Variants in KCNH5 observed in about 807,000 individuals in gnomAD.
KCNH5 encodes the protein voltage-gated delayed rectifier potassium channel KCNH5.
Under a neutral mutation model 96.1 loss-of-function variants are expected in KCNH5, and 46 were observed. The observed-to-expected ratio is 0.48, with a 90% CI of 0.38 to 0.61. The LOEUF (loss-of-function observed/expected upper bound fraction) is 0.61. Among genes scored for constraint, KCNH5 ranks in the 20% least tolerant of loss-of-function variants. The pLI, the probability that KCNH5 is intolerant of heterozygous loss-of-function variation, is 0.00. For synonymous variants in KCNH5, 439 were observed against 449.8 expected (o/e 0.98, Z 0.30); for missense variants, 907 against 1,225.8 (o/e 0.74, Z 3.88).
At chr14:62,812,594 C>T (rs1886895021) in intron 8 of KCNH5, among the ~76,000 whole-genome samples, 1 of 150,522 alleles carries the variant, frequency 6.6e-6, no homozygotes, top group Non-Finnish European at 1.5e-5. Context: ...ATAAGGGAGT[C>T]TAAATATGAT....
At chr14:62,892,761 G>A (rs913005570) in intron 7 of KCNH5, among the ~76,000 whole-genome samples, 1 of 152,110 alleles carries the variant, frequency 6.6e-6, no homozygotes, top group Non-Finnish European at 1.5e-5. Context: ...CTCTACCTGT[G>A]CCCTATAAAT....
chr14:62,975,203 G>GA (rs1356128388), intron 6 of KCNH5, among the ~76,000 whole-genome samples: 1 of 151,670 alleles, frequency 6.6e-6, no homozygotes, highest in Non-Finnish European at 1.5e-5. Context: ...ATCAACAAAA[G>GA]AAAAAAATAT....
chr14:62,815,600 A>G lies in KCNH5; in HGVS notation c.1570-13019T>C, dbSNP rs898855835. 2.0e-5 allele frequency among the ~76,000 whole-genome samples: 3 copies of G among 152,122 alleles called. No homozygotes were observed. In the South Asian group the frequency reaches 6.2e-4, roughly 31 times the overall value. The stretch of plus-strand genomic sequence containing the variant: ...ATATATACACAAAACATCACACTGT[A>G]TACCTTAAATATATGCAATTTTTGT... On this transcript the variant is annotated intron_variant, in intron 8 of 10. Transcript: ENST00000322893.
intron 10 of KCNH5, among the ~76,000 whole-genome samples, chr14:62,775,851 G>A (rs1455153395): frequency 1.3e-5 from 2 of 152,138 alleles, no homozygotes; most frequent in Non-Finnish European, 1.5e-5. Flanking sequence ...ATTTCTTTAT[G>A]TATTATCTAC....
intron 10 of KCNH5, among the ~76,000 whole-genome samples, chr14:62,742,058 C>G (rs1483055139): frequency 6.6e-6 from 1 of 152,154 alleles, no homozygotes; most frequent in Admixed American, 6.6e-5. Context: ...TAATATCTTC[C>G]TCAAAGGCCT....
chr14:63,002,813 G>A (rs1891035821), intron 3 of KCNH5, among the ~76,000 whole-genome samples: 1 of 152,122 alleles, frequency 6.6e-6, no homozygotes, highest in Non-Finnish European at 1.5e-5. Context: ...ATGGAAGGAC[G>A]TGGCCCTTTC....
intron 10 of KCNH5, among the ~76,000 whole-genome samples, chr14:62,765,452 T>C (rs1248059033): frequency 6.6e-6 from 1 of 152,166 alleles, no homozygotes; most frequent in Non-Finnish European, 1.5e-5. Flanking sequence ...ATTCTGGACA[T>C]AGGTCCTGGC....
chr14:62,939,700 G>A (rs906060890), intron 7 of KCNH5, among the ~76,000 whole-genome samples: 5 of 152,102 alleles, frequency 3.3e-5, no homozygotes, highest in Non-Finnish European at 1.5e-5. Flanking sequence ...AGCACTTTGG[G>A]AGGCCAAGGC....
chr14:63,045,252 G>T lies in KCNH5; in HGVS notation c.-66C>A. On this transcript the variant is annotated 5_prime_UTR_variant, in exon 1 of 11. Coordinates refer to ENST00000322893, the MANE Select transcript of KCNH5 (RefSeq NM_139318.5). ...AGGGGGGGATGCAGGCAAAGAAGGT[G>T]GAGGAAGAGGAGGAAAAGGTGGAAG... 1.7e-6 allele frequency: 2 copies of T among 1,193,560 alleles called. No individual in the cohort carries two copies. The highest frequency in any genetic ancestry group is 2.5e-6 in the Non-Finnish European group (2 of 807,228). The allele number at this position is 1,193,560 out of a possible 1,614,324, so 73.9% of individuals were successfully genotyped here. A position where few individuals can be genotyped will look rare whatever the true frequency, so the allele number is the denominator to read the frequency against.
At chr14:62,833,744 T>A (rs1243370283) in intron 8 of KCNH5, among the ~76,000 whole-genome samples, 1 of 152,042 alleles carries the variant, frequency 6.6e-6, no homozygotes, top group Non-Finnish European at 1.5e-5. Context: ...CCCATACAGG[T>A]AAATATTAAT....
rs769365273 is a variant in KCNH5 at position 62,981,095 on chromosome 14, G to C, written c.719C>G (p.Thr240Arg). ...IMVPYNVSFK[T>R]KQNNIAWLVL... Reference sequence around the variant, plus strand: ...CAGCCAGGCTATGTTGTTCTGCTTTGTTTTGAAGGAAACATTATAAGGAAC... The same window carrying C: ...CAGCCAGGCTATGTTGTTCTGCTTTCTTTTGAAGGAAACATTATAAGGAAC... Residue 240 changes from threonine to arginine, a missense_variant, in exon 6 of 11, where the codon ACA becomes AGA. Thr to Arg is a moderately conservative substitution (Grantham distance 71). This residue lies in a region of KCNH5 where 370 missense variants were observed against 561.3 expected (regional missense o/e 0.66). Coordinates refer to ENST00000322893, the MANE Select transcript of KCNH5 (RefSeq NM_139318.5). 5.6e-6 allele frequency: 9 copies of C among 1,614,044 alleles called. No individual in the cohort carries two copies. The Admixed American group carries it at 1.3e-4, about 24-fold the overall frequency.
At chr14:62,930,690 C>T (rs1156664858) in intron 7 of KCNH5, among the ~76,000 whole-genome samples, 1 of 152,162 alleles carries the variant, frequency 6.6e-6, no homozygotes, top group Non-Finnish European at 1.5e-5. Flanking sequence ...CTGTGCACTA[C>T]AGAATGCTGT....
chr14:62,817,835 T>C (rs1264712833), intron 8 of KCNH5, among the ~76,000 whole-genome samples: 1 of 145,522 alleles, frequency 6.9e-6, no homozygotes, highest in Admixed American at 7.0e-5. Flanking sequence ...ATTATATATA[T>C]ATAATGGACA....
chr14:62,802,971 G>T (rs1886695376), intron 8 of KCNH5, among the ~76,000 whole-genome samples: 1 of 152,056 alleles, frequency 6.6e-6, no homozygotes, highest in African/African-American at 2.4e-5. Flanking sequence ...GTGAAACCCT[G>T]TCTCTACTAA....
chr14:62,787,993 C>A (rs1331738037), intron 9 of KCNH5, among the ~76,000 whole-genome samples: 5 of 152,160 alleles, frequency 3.3e-5, no homozygotes, highest in African/African-American at 9.7e-5. Context: ...GCCCATGGAT[C>A]AAGGAGCAAT....
intron 6 of KCNH5, among the ~76,000 whole-genome samples, chr14:62,973,943 C>T (rs775444177): frequency 5.2e-4 from 79 of 152,064 alleles, no homozygotes; most frequent in Non-Finnish European, 9.1e-4. Context: ...GCATAATTAG[C>T]CTTCCTGATT....
At chr14:62,892,840 G>A (rs1262958758) in intron 7 of KCNH5, among the ~76,000 whole-genome samples, 1 of 152,112 alleles carries the variant, frequency 6.6e-6, no homozygotes, top group African/African-American at 2.4e-5. Flanking sequence ...TAAGCCTATT[G>A]TTGAGACCTG....
chr14:62,954,094 T>A (rs188136579), intron 6 of KCNH5, among the ~76,000 whole-genome samples: 6 of 152,318 alleles, frequency 3.9e-5, no homozygotes, highest in Admixed American at 2.0e-4. Context: ...TAGGAGTAGT[T>A]CCCAGAATGT....
intron 6 of KCNH5, among the ~76,000 whole-genome samples, chr14:62,968,752 C>A (rs1459771871): frequency 1.3e-5 from 2 of 152,132 alleles, no homozygotes; most frequent in Non-Finnish European, 1.5e-5. Context: ...AGATGTCAGG[C>A]ATCTTGGTAG....
Sources: gnomAD v4.1 joint callset for allele counts (sites outside exome capture counted in the v4.1 genomes callset) on GRCh38, gnomAD v4.1.1 for gene constraint, gnomAD v4.1.1 regional missense constraint, MANE v1.5 for transcripts, NCBI Gene and HGNC (gene_info 2026-07-23, HGNC 2026-07-21) for gene names.